Variants in MTA3 observed in about 807,000 individuals in gnomAD.
MTA3 encodes metastasis associated 1 family member 3.
A neutral mutation model predicts 83.5 loss-of-function variants in MTA3; 34 were observed. That is an observed-to-expected ratio of 0.41 (90% CI 0.31 to 0.54). The LOEUF (loss-of-function observed/expected upper bound fraction) is 0.54, where lower values mean the gene tolerates loss of function less well. Ranked by LOEUF, MTA3 falls within the 20% of genes least tolerant of loss-of-function variation. MTA3 has a pLI of 0.33. For synonymous variants in MTA3, 303 were observed against 252.7 expected (o/e 1.20, Z -1.89); for missense variants, 761 against 726.4 (o/e 1.05, Z -0.55).
intron 2 of MTA3, among the ~76,000 whole-genome samples, chr2:42,496,944 G>A (rs556831471): frequency 6.6e-6 from 1 of 152,130 alleles, no homozygotes; most frequent in Non-Finnish European, 1.5e-5. Flanking sequence ...GGTGGCTCAC[G>A]CCTGTAATCT....
At chr2:42,668,952 A>G (rs1198831563) in intron 8 of MTA3, among the ~76,000 whole-genome samples, 1 of 152,196 alleles carries the variant, frequency 6.6e-6, no homozygotes, top group Non-Finnish European at 1.5e-5. Flanking sequence ...TTCTTCAGAT[A>G]CTAACGCTTT....
intron 14 of MTA3, among the ~76,000 whole-genome samples, chr2:42,714,728 G>C (rs1208342695): frequency 6.6e-6 from 1 of 152,162 alleles, no homozygotes; most frequent in Non-Finnish European, 1.5e-5. Flanking sequence ...GGGTGGTGTG[G>C]GCCGTGATGG....
At chr2:42,643,038 C>CG (rs1687838581) in intron 5 of MTA3, among the ~76,000 whole-genome samples, 1 of 133,954 alleles carries the variant, frequency 7.5e-6, no homozygotes, top group East Asian at 2.2e-4. Context: ...GGTGTCTCCC[C>CG]CCCCCCCCTT....
rs528617692 is a variant in MTA3, at chr2:42,560,362, A to G, written c.-140-10075A>G. ...CAAGTGAGCTTTTAAAAACAAATCA[A>G]GCTGTGGTTGGTGGTGGACGCCTAT... On this transcript the variant is annotated intron_variant, in intron 2 of 17. Transcript: ENST00000405592. 7.6e-4 allele frequency among the ~76,000 whole-genome samples: 115 copies of G among 151,578 alleles called. 1 individual carries two copies. The highest frequency in any genetic ancestry group is 2.7e-3 in the African/African-American group (110 of 41,372).
chr2:42,520,540 CAGG>C (rs1675377575), intron 2 of MTA3, among the ~76,000 whole-genome samples: 1 of 152,056 alleles, frequency 6.6e-6, no homozygotes, highest in South Asian at 2.1e-4. Context: ...TTTCCCATCT[CAGG>C]TCATCCATCA....
In MTA3 at chr2:42,597,913, G is replaced by A. The variant is rs541910656; in HGVS notation, c.191-11545G>A. On this transcript the variant is annotated intron_variant, in intron 3 of 16. Transcript: ENST00000405094. ...CCCAGGCTGGTCTTGAACTCCTGGG[G>A]TGAAGCGATCTGCCCACTTTAGCCT... Among the ~76,000 whole-genome samples the A allele has an allele frequency of 4.0e-5, 6 of 151,822 alleles. No individual in the cohort carries two copies. The South Asian group carries it at 1.3e-3, about 32-fold the overall frequency.
chr2:42,742,439 C>T (rs1343037380), intron 16 of MTA3, among the ~76,000 whole-genome samples: 1 of 152,126 alleles, frequency 6.6e-6, no homozygotes, highest in Non-Finnish European at 1.5e-5. Flanking sequence ...GAAGCCATCA[C>T]TTTTTAATAA....
At chr2:42,627,651 C>G (rs914841711) in intron 4 of MTA3, among the ~76,000 whole-genome samples, 1 of 151,708 alleles carries the variant, frequency 6.6e-6, no homozygotes, top group Non-Finnish European at 1.5e-5. Flanking sequence ...GCAACCTCCA[C>G]CTCAGGAGTT....
intron 3 of MTA3, among the ~76,000 whole-genome samples, chr2:42,607,347 A>G (rs1553359122): frequency 6.6e-6 from 1 of 152,104 alleles, no homozygotes; most frequent in Non-Finnish European, 1.5e-5. Context: ...AGTCTCATGG[A>G]TCAGACTCTG....
At chr2:42,557,367 G>C (rs762574374) in intron 2 of MTA3, among the ~76,000 whole-genome samples, 1 of 151,704 alleles carries the variant, frequency 6.6e-6, no homozygotes, top group Non-Finnish European at 1.5e-5. Flanking sequence ...GAGGGGGTGG[G>C]GTAGGGTGGG....
chr2:42,657,595 G>T (rs1271152123), intron 7 of MTA3, among the ~76,000 whole-genome samples: 3 of 152,106 alleles, frequency 2.0e-5, no homozygotes, highest in Non-Finnish European at 4.4e-5. Context: ...CAAGGAGTTG[G>T]TTCCTAGTAT....
At chr2:42,713,542 G>A (rs898355412) in intron 14 of MTA3, among the ~76,000 whole-genome samples, 2 of 152,130 alleles carry the variant, frequency 1.3e-5, no homozygotes, top group Non-Finnish European at 2.9e-5. Flanking sequence ...AGGTACAAAA[G>A]TGGTTACAAA....
upstream of MTA3, chr2:42,568,484 C>T (rs1360454868): frequency 4.5e-6 from 1 of 221,682 alleles, no homozygotes; most frequent in Non-Finnish European, 8.7e-6. Flanking sequence ...GGCCCCGCAG[C>T]GCTCCAGCCT....
intron 6 of MTA3, among the ~76,000 whole-genome samples, chr2:42,650,335 G>A (rs1688592739): frequency 6.6e-6 from 1 of 152,096 alleles, no homozygotes; most frequent in African/African-American, 2.4e-5. Context: ...ATAAATGTTA[G>A]CTAATATTTA....
chr2:42,668,433 ACCTTCCAG>A (rs1690494627), intron 8 of MTA3, among the ~76,000 whole-genome samples: 1 of 152,182 alleles, frequency 6.6e-6, no homozygotes, highest in African/African-American at 2.4e-5. Context: ...GACCCCTGCG[ACCTTCCAG>A]CCTCGGAAAA....
intron 3 of MTA3, among the ~76,000 whole-genome samples, chr2:42,583,816 C>T (rs1414896485): frequency 6.6e-6 from 1 of 151,820 alleles, no homozygotes; most frequent in Non-Finnish European, 1.5e-5. Context: ...CAGGTGTGAG[C>T]CACTGTGCCT....
intron 2 of MTA3, among the ~76,000 whole-genome samples, chr2:42,549,332 T>C (rs1472618929): frequency 1.6e-5 from 2 of 122,546 alleles, no homozygotes; most frequent in Non-Finnish European, 3.2e-5. Context: ...ATTATATACG[T>C]ATACGTATAC....
intron 5 of MTA3, among the ~76,000 whole-genome samples, chr2:42,643,349 C>A (rs1016058743): frequency 6.6e-6 from 1 of 152,146 alleles, no homozygotes; most frequent in Non-Finnish European, 1.5e-5. Context: ...GAAGATGGGA[C>A]TTCTGCTTCT....
intron 3 of MTA3, among the ~76,000 whole-genome samples, chr2:42,584,090 A>G (rs2103895134): frequency 6.7e-6 from 1 of 149,616 alleles, no homozygotes; most frequent in Non-Finnish European, 1.5e-5. Flanking sequence ...TGATACGCCC[A>G]CCTCTGCCTC....
Sources: allele counts gnomAD v4.1 joint callset (sites outside exome capture counted in the v4.1 genomes callset), GRCh38; gene constraint gnomAD v4.1.1; transcripts MANE v1.5; gene names NCBI Gene and HGNC (gene_info 2026-07-23, HGNC 2026-07-21).